ERBB4: variants seen among roughly 807,000 people sequenced by gnomAD.
The protein encoded by ERBB4 is receptor tyrosine-protein kinase erbB-4.
A neutral mutation model predicts 158.0 loss-of-function variants in ERBB4; 42 were observed. The ratio of observed to expected loss-of-function variants is 0.27; its 90% CI spans 0.21 to 0.34. The LOEUF is 0.34. ERBB4 is among the 10% of genes least tolerant of loss of function. The pLI, the probability that ERBB4 is intolerant of heterozygous loss-of-function variation, is 1.00. For missense variants in ERBB4, 1,333 were observed against 1,624.1 expected, an observed-to-expected ratio of 0.82 and a Z score of 3.08; for synonymous variants, 583 against 558.7, an observed-to-expected ratio of 1.04 and a Z score of -0.61.
intron 5 of ERBB4, among the ~76,000 whole-genome samples, chr2:211,729,523 A>T (rs1262670334): frequency 6.6e-6 from 1 of 151,818 alleles, no homozygotes; most frequent in African/African-American, 2.4e-5. Flanking sequence ...TTATATTATT[A>T]TATGAGACTT....
At chr2:212,074,136 G>C (rs1050126761) in intron 2 of ERBB4, among the ~76,000 whole-genome samples, 1 of 151,904 alleles carries the variant, frequency 6.6e-6, no homozygotes, top group African/African-American at 2.4e-5. Context: ...ACTTAGCTTG[G>C]CTCCTTGGTT....
chr2:211,657,863 C>T, intron 15 of ERBB4, 35 bp from the exon 16 acceptor site: 2 of 1,607,784 alleles, frequency 1.2e-6, no homozygotes, highest in Non-Finnish European at 1.7e-6. Flanking sequence ...ACATCATTCT[C>T]CATCCACAGT....
intron 1 of ERBB4, among the ~76,000 whole-genome samples, chr2:212,520,095 G>T (rs539462003): frequency 6.6e-6 from 1 of 151,812 alleles, no homozygotes; most frequent in Non-Finnish European, 1.5e-5. Context: ...ACCTTAATTG[G>T]AAAAATATAA....
intron 1 of ERBB4, among the ~76,000 whole-genome samples, chr2:212,159,466 T>A (rs949213495): frequency 6.6e-6 from 1 of 152,024 alleles, no homozygotes. Flanking sequence ...TAGATTTACA[T>A]ATGTATTACT....
intron 9 of ERBB4, among the ~76,000 whole-genome samples, chr2:211,707,331 G>A (rs2073485760): frequency 6.6e-6 from 1 of 152,086 alleles, no homozygotes; most frequent in South Asian, 2.1e-4. Flanking sequence ...GCATCCTATA[G>A]CCACTCGAAA....
chr2:211,567,757 A>G (rs531808691), intron 19 of ERBB4, among the ~76,000 whole-genome samples: 1 of 152,224 alleles, frequency 6.6e-6, no homozygotes, highest in East Asian at 1.9e-4. Context: ...TGAAGAAAGA[A>G]AAACGAACAA....
intron 2 of ERBB4, among the ~76,000 whole-genome samples, chr2:212,115,487 C>T (rs933606333): frequency 2.0e-5 from 3 of 152,078 alleles, no homozygotes; most frequent in Admixed American, 2.0e-4. Flanking sequence ...TAGCTCATTG[C>T]CAATATACTT....
chr2:212,123,359 C>T (rs1188789877), intron 2 of ERBB4, among the ~76,000 whole-genome samples: 1 of 152,200 alleles, frequency 6.6e-6, no homozygotes. Context: ...GCCGATATCA[C>T]ACCACTGCGC....
chr2:212,209,333 T>G (rs536669325), intron 1 of ERBB4, among the ~76,000 whole-genome samples: 15 of 152,278 alleles, frequency 9.9e-5, no homozygotes, highest in African/African-American at 3.6e-4. Context: ...TCTTTTTTGA[T>G]AGGCAAAGAA....
intron 7 of ERBB4, among the ~76,000 whole-genome samples, chr2:211,714,691 C>G (rs1237984051): frequency 6.6e-6 from 1 of 152,134 alleles, no homozygotes; most frequent in Admixed American, 6.5e-5. Flanking sequence ...GCTTCTGGGT[C>G]CTGGTAGAGA....
chr2:212,255,267 T>C (rs1437792540), intron 1 of ERBB4, among the ~76,000 whole-genome samples: 1 of 152,184 alleles, frequency 6.6e-6, no homozygotes, highest in East Asian at 1.9e-4. Context: ...AAAATATATG[T>C]GTGTATATAT....
chr2:211,738,165 ATACT>A (rs2074665748), intron 5 of ERBB4, among the ~76,000 whole-genome samples: 1 of 152,206 alleles, frequency 6.6e-6, no homozygotes. Flanking sequence ...TTCCAAGCTC[ATACT>A]TTCTTTCTTA....
intron 3 of ERBB4, among the ~76,000 whole-genome samples, chr2:211,921,009 T>G (rs954511486): frequency 2.6e-5 from 4 of 151,982 alleles, no homozygotes; most frequent in Non-Finnish European, 5.9e-5. Flanking sequence ...ATATATAATA[T>G]TCAGATATAA....
intron 1 of ERBB4, among the ~76,000 whole-genome samples, chr2:212,222,305 C>T (rs1333254868): frequency 6.6e-6 from 1 of 151,456 alleles, no homozygotes; most frequent in Non-Finnish European, 1.5e-5. Context: ...ATTCTAATTG[C>T]TGTCAATATA....
intron 1 of ERBB4, among the ~76,000 whole-genome samples, chr2:212,164,439 T>G (rs1053125835): frequency 6.6e-6 from 1 of 152,022 alleles, no homozygotes; most frequent in Non-Finnish European, 1.5e-5. Context: ...ATTTGTGGCC[T>G]TCATATTTCT....
intron 20 of ERBB4, among the ~76,000 whole-genome samples, chr2:211,532,017 T>C (rs925693353): frequency 1.3e-5 from 2 of 152,162 alleles, no homozygotes; most frequent in Admixed American, 6.5e-5. Flanking sequence ...GGTCATTATG[T>C]TAAGTGAAAT....
chr2:211,568,105 T>A (rs956859313), intron 19 of ERBB4, among the ~76,000 whole-genome samples: 10 of 151,896 alleles, frequency 6.6e-5, no homozygotes, highest in Admixed American at 3.9e-4. Context: ...CAGAAAAAAA[T>A]TATTCTGTCT....
intron 3 of ERBB4, among the ~76,000 whole-genome samples, chr2:211,867,345 C>G (rs947377193): frequency 6.6e-6 from 1 of 152,006 alleles, no homozygotes. Flanking sequence ...TAATCATTTG[C>G]AAGAATTGAA....
rs192330920 is a variant in ERBB4 at position 211,849,143 on chromosome 2, G to A, written c.422-60984C>T. The stretch of plus-strand genomic sequence containing the variant: ...TTTTTTCCTATGCAGAAATATGGAA[G>A]ACATATTTTCCTGATAGATATCAAC... On this transcript the variant is annotated intron_variant, in intron 3 of 27. Coordinates refer to ENST00000342788, the MANE Select transcript of ERBB4 (RefSeq NM_005235.3). Among the ~76,000 whole-genome samples, 21 of 152,022 alleles carry A rather than the reference G, an allele frequency of 1.4e-4. No individual in the cohort carries two copies. In the East Asian group the frequency reaches 3.9e-3, roughly 28 times the overall value.
Sources: gnomAD v4.1 joint callset for allele counts (sites outside exome capture counted in the v4.1 genomes callset) on GRCh38, gnomAD v4.1.1 for gene constraint, MANE v1.5 for transcripts, NCBI Gene and HGNC (gene_info 2026-07-23, HGNC 2026-07-21) for gene names.